ITGA9: variants seen among roughly 807,000 people sequenced by gnomAD.
The protein encoded by ITGA9 is integrin subunit alpha 9.
A neutral mutation model predicts 127.8 loss-of-function variants in ITGA9; 56 were observed. The ratio of observed to expected loss-of-function variants is 0.44; its 90% CI spans 0.35 to 0.55. The LOEUF is 0.55. Ranked by LOEUF, ITGA9 falls within the 20% of genes least tolerant of loss-of-function variation. ITGA9 has a pLI of 0.00. For synonymous variants in ITGA9, 508 were observed against 514.5 expected (o/e 0.99, Z 0.17); for missense variants, 1,196 against 1,347.1 (o/e 0.89, Z 1.76).
chr3:37,537,241 A>G (rs1235508201), intron 14 of ITGA9, among the ~76,000 whole-genome samples: 1 of 152,182 alleles, frequency 6.6e-6, no homozygotes, highest in Non-Finnish European at 1.5e-5. Flanking sequence ...ATTGAAAACT[A>G]CAATTAACTG....
chr3:37,534,607 G>T (rs1277435978), intron 14 of ITGA9, among the ~76,000 whole-genome samples: 1 of 152,168 alleles, frequency 6.6e-6, no homozygotes, highest in Non-Finnish European at 1.5e-5. Flanking sequence ...TGTCTCATTG[G>T]CAATTTCTCT....
chr3:37,482,208 T>G (rs1348315766), intron 4 of ITGA9, among the ~76,000 whole-genome samples: 1 of 152,206 alleles, frequency 6.6e-6, no homozygotes, highest in Non-Finnish European at 1.5e-5. Context: ...GGTCTGACTT[T>G]CCTTCCCATG....
chr3:37,612,077 C>T (rs561662640), intron 15 of ITGA9, among the ~76,000 whole-genome samples: 1 of 152,030 alleles, frequency 6.6e-6, no homozygotes, highest in East Asian at 1.9e-4. Flanking sequence ...CTGCTGAGAC[C>T]AGAGAGTTCA....
chr3:37,650,407 C>T (rs1296643366), intron 16 of ITGA9, among the ~76,000 whole-genome samples: 1 of 152,038 alleles, frequency 6.6e-6, no homozygotes, highest in African/African-American at 2.4e-5. Context: ...TTCTTTGTCT[C>T]CTTATTTCAC....
At chr3:37,660,444 T>C (rs1324724418) in intron 17 of ITGA9, among the ~76,000 whole-genome samples, 1 of 152,226 alleles carries the variant, frequency 6.6e-6, no homozygotes, top group Non-Finnish European at 1.5e-5. Flanking sequence ...TACCCATTAG[T>C]GGATGATCAA....
chr3:37,774,735 CAAAAA>C (rs1199503875), intron 23 of ITGA9, among the ~76,000 whole-genome samples: 1 of 151,358 alleles, frequency 6.6e-6, no homozygotes, highest in Non-Finnish European at 1.5e-5. Context: ...AAACAAAAAA[CAAAAA>C]ACAAAATTTC....
intron 4 of ITGA9, among the ~76,000 whole-genome samples, chr3:37,483,674 A>G (rs894231846): frequency 2.1e-4 from 32 of 152,284 alleles, no homozygotes; most frequent in Middle Eastern, 3.4e-3. Flanking sequence ...CTGTCCTGCC[A>G]TGTGTGTGGG....
chr3:37,792,628 G>GT, intron 26 of ITGA9, among the ~76,000 whole-genome samples: 1 of 152,202 alleles, frequency 6.6e-6, no homozygotes, highest in East Asian at 1.9e-4. Flanking sequence ...TCCATGCCAG[G>GT]TAACACCACT....
At chr3:37,708,467 G>A (rs993362184) in intron 18 of ITGA9, among the ~76,000 whole-genome samples, 1 of 152,174 alleles carries the variant, frequency 6.6e-6, no homozygotes, top group Non-Finnish European at 1.5e-5. Context: ...TGGAGAGTGG[G>A]CGTTTTTGCA....
At chr3:37,786,523 G>A (rs1414855612) in intron 26 of ITGA9, among the ~76,000 whole-genome samples, 1 of 152,096 alleles carries the variant, frequency 6.6e-6, no homozygotes, top group East Asian at 1.9e-4. Flanking sequence ...AAACCCGGAG[G>A]CGGAGGTTGC....
chr3:37,509,905 G>A (rs536017545), intron 8 of ITGA9, among the ~76,000 whole-genome samples: 159 of 152,188 alleles, frequency 1.0e-3, no homozygotes, highest in Middle Eastern at 6.8e-3. Context: ...GTGGAATTAA[G>A]GCTAACATTT....
chr3:37,634,450 G>C (rs1450089982), intron 16 of ITGA9, among the ~76,000 whole-genome samples: 4 of 152,092 alleles, frequency 2.6e-5, no homozygotes. Flanking sequence ...CACAGAGCAG[G>C]AGTAGACTTT....
chr3:37,718,080 C>T (rs750544266), intron 18 of ITGA9, among the ~76,000 whole-genome samples: 2 of 152,152 alleles, frequency 1.3e-5, no homozygotes, highest in African/African-American at 2.4e-5. Flanking sequence ...GGGAACTTCT[C>T]CTTGGAGACA....
intron 15 of ITGA9, among the ~76,000 whole-genome samples, chr3:37,576,877 G>A (rs372821497): frequency 1.3e-5 from 2 of 152,198 alleles, no homozygotes; most frequent in African/African-American, 4.8e-5. Flanking sequence ...GGGATTACAG[G>A]CATGAGCCAC....
chr3:37,791,597 C>G lies in ITGA9; in HGVS notation c.2889+6519C>G, dbSNP rs543456011. Among the ~76,000 whole-genome samples, 4 of 152,320 alleles carry G rather than the reference C, an allele frequency of 2.6e-5. No homozygotes were observed. The South Asian group carries it at 6.2e-4, about 24-fold the overall frequency. The stretch of plus-strand genomic sequence containing the variant: ...CCCTGGCTTCTCTCTACCTCGTGCT[C>G]TGGAGTCAGGCAGAAACCTTTCTAC... On this transcript the variant is annotated intron_variant, in intron 26 of 27. Coordinates refer to ENST00000264741, the MANE Select transcript of ITGA9 (RefSeq NM_002207.3).
intron 7 of ITGA9, among the ~76,000 whole-genome samples, chr3:37,507,854 A>G (rs1698861396): frequency 6.6e-6 from 1 of 152,208 alleles, no homozygotes; most frequent in African/African-American, 2.4e-5. Context: ...ACTGGTTCTC[A>G]TGAGACACTC....
intron 17 of ITGA9, among the ~76,000 whole-genome samples, chr3:37,654,168 A>G (rs1700454476): frequency 6.7e-6 from 1 of 150,226 alleles, no homozygotes; most frequent in Admixed American, 6.7e-5. Flanking sequence ...ATTATTAAAT[A>G]AAGGTTTATG....
rs370076327 is a variant in ITGA9, at chr3:37,803,807, T to C, written c.2890-16T>C. ...AATAAAAAAGGAAATGTTTTCACTG[T>C]TGCGTTGCCTCCTAGGTGGTCTTCG... On this transcript the variant is annotated splice_polypyrimidine_tract_variant and intron_variant, in intron 26 of 27. Coordinates refer to ENST00000264741, the MANE Select transcript of ITGA9 (RefSeq NM_002207.3). 4.3e-6 allele frequency: 7 copies of C among 1,613,934 alleles called. No homozygotes were observed. In the African/African-American group the frequency reaches 8.0e-5, roughly 18 times the overall value.
chr3:37,665,169 T>C (rs1377657945), intron 17 of ITGA9, among the ~76,000 whole-genome samples: 3 of 151,826 alleles, frequency 2.0e-5, no homozygotes, highest in East Asian at 2.0e-4. Context: ...GAGATGGGGT[T>C]TCACCATGTT....
Sources: gnomAD v4.1 joint callset for allele counts (sites outside exome capture counted in the v4.1 genomes callset) on GRCh38, gnomAD v4.1.1 for gene constraint, MANE v1.5 for transcripts, NCBI Gene and HGNC (gene_info 2026-07-23, HGNC 2026-07-21) for gene names.